The following RALGAPB variants were observed in gnomAD, a reference collection of about 807,000 sequenced individuals.
The protein encoded by RALGAPB is ral GTPase-activating protein subunit beta.
RALGAPB carries 25 observed loss-of-function variants against 161.1 expected under a neutral mutation model. The observed-to-expected ratio is 0.16, with a 90% CI of 0.11 to 0.22. The LOEUF (loss-of-function observed/expected upper bound fraction) is 0.22, where lower values mean the gene tolerates loss of function less well. Among genes scored for constraint, RALGAPB ranks in the 10% least tolerant of loss-of-function variants. The pLI is 1.00. For missense variants in RALGAPB, 1,391 were observed against 1,815.2 expected (o/e 0.77, Z 4.25); for synonymous variants, 629 against 626.1 (o/e 1.00, Z -0.07).
At chr20:38,479,809 C>T (rs1350262279) in intron 1 of RALGAPB, among the ~76,000 whole-genome samples, 1 of 152,112 alleles carries the variant, frequency 6.6e-6, no homozygotes, top group Non-Finnish European at 1.5e-5. Flanking sequence ...CACTACAGTG[C>T]CTGAAACCTC....
At position 38,541,052 on chromosome 20, in the gene RALGAPB, G is replaced by C. The variant is rs1489433013; in HGVS notation, c.2574G>C (p.Lys858Asn). The part of the protein sequence containing the change: ...PDMLDEKDCL[K>N]EVLEIVELGI... Reference sequence around the variant, plus strand: ...TTTCCTGCTTTTAGGACTGCCTTAAGGAAGTACTGGAGATTGTGGAACTGG... The same window carrying C: ...TTTCCTGCTTTTAGGACTGCCTTAACGAAGTACTGGAGATTGTGGAACTGG... Residue 858 changes from lysine (K) to asparagine (N), a missense_variant, in exon 18 of 30, where the codon AAG becomes AAC. Lys to Asn is a moderately conservative substitution (Grantham distance 94). This residue lies in a region of RALGAPB where 946 missense variants were observed against 1,257.2 expected (regional missense o/e 0.75). Transcript: ENST00000262879. 1.2e-6 allele frequency: 2 copies of C among 1,613,980 alleles called. No individual in the cohort carries two copies. Among genetic ancestry groups the C allele is most frequent in the Non-Finnish European group, 1.7e-6 (2 of 1,179,916 alleles).
intron 16 of RALGAPB, among the ~76,000 whole-genome samples, chr20:38,537,010 A>T (rs1600981877): frequency 2.0e-5 from 3 of 152,194 alleles, no homozygotes; most frequent in Admixed American, 2.0e-4. Context: ...CCTTTAGTAC[A>T]CTCAGTAGTA....
intron 1 of RALGAPB, among the ~76,000 whole-genome samples, chr20:38,480,002 G>C (rs2084920853): frequency 6.6e-6 from 1 of 150,742 alleles, no homozygotes; most frequent in African/African-American, 2.4e-5. Context: ...TTTTGTTTGA[G>C]ACAGGGTCTT....
chr20:38,484,332 T>C (rs1024964935), intron 1 of RALGAPB, among the ~76,000 whole-genome samples: 1 of 152,152 alleles, frequency 6.6e-6, no homozygotes, highest in African/African-American at 2.4e-5. Flanking sequence ...CCTCCATAGT[T>C]GGGTTATAAG....
At chr20:38,520,273 C>A in intron 9 of RALGAPB, 1 of 875,794 alleles carries the variant, frequency 1.1e-6, no homozygotes. Flanking sequence ...TCTTATAAAT[C>A]TTGTAAGTAG....
At chr20:38,506,351 T>G (rs1184620889) in intron 5 of RALGAPB, among the ~76,000 whole-genome samples, 3 of 151,986 alleles carry the variant, frequency 2.0e-5, no homozygotes, top group Non-Finnish European at 4.4e-5. Flanking sequence ...TGGAATGCAG[T>G]GGTGCAATCA....
chr20:38,553,718 A>G (rs918603225), intron 21 of RALGAPB, 149 bp from the exon 22 acceptor site: 15 of 602,822 alleles, frequency 2.5e-5, no homozygotes, highest in Non-Finnish European at 3.9e-5. Flanking sequence ...AGCCTAAGGC[A>G]GGAGGATCAC....
At chr20:38,530,906 T>TA (rs2086632932) in intron 13 of RALGAPB, among the ~76,000 whole-genome samples, 1 of 151,024 alleles carries the variant, frequency 6.6e-6, no homozygotes, top group Non-Finnish European at 1.5e-5. Flanking sequence ...TTTTTTTTTT[T>TA]AATATTTCTA....
At chr20:38,477,360 G>C (rs1350415555) in intron 1 of RALGAPB, among the ~76,000 whole-genome samples, 2 of 152,170 alleles carry the variant, frequency 1.3e-5, no homozygotes, top group Non-Finnish European at 1.5e-5. Flanking sequence ...GTGCTGGTAG[G>C]GGGCAGACAG....
Position 38,499,484 on chromosome 20 carries a change from T to G in RALGAPB, c.591T>G (p.Gly197=). The G allele has an allele frequency of 1.2e-6, 2 of 1,612,236 alleles. No individual in the cohort carries two copies. The highest frequency in any genetic ancestry group is 1.7e-6 in the Non-Finnish European group (2 of 1,179,224). Residue 197 remains glycine, a synonymous_variant, in exon 5 of 30, where the codon GGT becomes GGG. Transcript: ENST00000262879. ...IAENLAEKLI[G]VLFEVWLLAC... ...AGAATCTAGCAGAGAAGTTGATTGG[T>G]GTTCTCTTTGAGGTGTGGTTACTAG... is the stretch of plus-strand genomic sequence containing the variant.
At chr20:38,485,730 G>A (rs1003359659) in intron 1 of RALGAPB, among the ~76,000 whole-genome samples, 19 of 151,940 alleles carry the variant, frequency 1.3e-4, no homozygotes, top group Non-Finnish European at 1.9e-4. Context: ...GAGTTTTATC[G>A]CTTGTTTTGT....
In RALGAPB at chr20:38,501,283, G is replaced by A. The variant is rs377307190; in HGVS notation, c.740+1650G>A. On this transcript the variant is annotated intron_variant, in intron 5 of 29. Coordinates refer to ENST00000262879, the MANE Select transcript of RALGAPB (RefSeq NM_020336.4). ...CCCTTAAGAATAATGTTAAATTTGC[G>A]CTTGCCTTGGCAGCCTATATACTAA... 1.1e-4 allele frequency among the ~76,000 whole-genome samples: 16 copies of A among 152,198 alleles called. No individual in the cohort carries two copies. In the East Asian group the frequency reaches 1.6e-3, roughly 15 times the overall value.
At chr20:38,551,377 A>G (rs995482958) in intron 21 of RALGAPB, among the ~76,000 whole-genome samples, 154 bp downstream of exon 21, 1 of 152,160 alleles carries the variant, frequency 6.6e-6, no homozygotes, top group Non-Finnish European at 1.5e-5. Flanking sequence ...TAAGACGAAT[A>G]TAGATTGTGG....
Position 38,548,641 on chromosome 20 carries a change from A to G in RALGAPB, c.2903-48A>G. On this transcript the variant is annotated intron_variant, in intron 19 of 29. Coordinates refer to ENST00000262879, the MANE Select transcript of RALGAPB (RefSeq NM_020336.4). ...GCAGTTGATAACAAGTTTATTTTAAATGGTTGTTGTCTGAAATTAAAACTT... is the reference window on the plus strand; with the variant it reads ...GCAGTTGATAACAAGTTTATTTTAAGTGGTTGTTGTCTGAAATTAAAACTT... 4 of 1,412,244 alleles carry G rather than the reference A, an allele frequency of 2.8e-6. 1 individual carries two copies. The South Asian group carries it at 3.6e-5, about 13-fold the overall frequency. The allele number at this position is 1,412,244 out of a possible 1,614,324, so 87.5% of individuals were successfully genotyped here. A position where few individuals can be genotyped will look rare whatever the true frequency, so the allele number is the denominator to read the frequency against.
At chr20:38,506,145 G>A (rs2085757053) in intron 5 of RALGAPB, among the ~76,000 whole-genome samples, 1 of 152,182 alleles carries the variant, frequency 6.6e-6, no homozygotes, top group Non-Finnish European at 1.5e-5. Flanking sequence ...ACGATTTAAA[G>A]TATATAGGAA....
intron 5 of RALGAPB, among the ~76,000 whole-genome samples, chr20:38,505,298 CATT>C (rs1455086414): frequency 6.6e-6 from 1 of 152,160 alleles, no homozygotes; most frequent in Non-Finnish European, 1.5e-5. Context: ...AGCTTGAAGC[CATT>C]ATCCTAAGTG....
At chr20:38,511,614 A>G (rs1358948774) in intron 6 of RALGAPB, among the ~76,000 whole-genome samples, 1 of 152,172 alleles carries the variant, frequency 6.6e-6, no homozygotes, top group Non-Finnish European at 1.5e-5. Flanking sequence ...CCCTGAGTTG[A>G]CACAGCACAT....
At chr20:38,561,019 G>T (rs560503635) in intron 23 of RALGAPB, among the ~76,000 whole-genome samples, 1 of 152,300 alleles carries the variant, frequency 6.6e-6, no homozygotes, top group South Asian at 2.1e-4. Flanking sequence ...AACTAAATAG[G>T]TTCACTTCAA....
intron 1 of RALGAPB, among the ~76,000 whole-genome samples, chr20:38,487,365 G>A (rs762950994): frequency 2.0e-5 from 3 of 151,950 alleles, no homozygotes; most frequent in Non-Finnish European, 2.9e-5. Context: ...ATAATAAATC[G>A]TATACTGAAG....
Sources: gnomAD v4.1 joint callset for allele counts (sites outside exome capture counted in the v4.1 genomes callset) on GRCh38, gnomAD v4.1.1 for gene constraint, gnomAD v4.1.1 regional missense constraint, MANE v1.5 for transcripts, NCBI Gene and HGNC (gene_info 2026-07-23, HGNC 2026-07-21) for gene names.